Variants in MGAT4C observed in about 807,000 individuals in gnomAD.
The protein encoded by MGAT4C is MGAT4 family member C.
A neutral mutation model predicts 40.1 loss-of-function variants in MGAT4C; 19 were observed. That is an observed-to-expected ratio of 0.47 (90% CI 0.33 to 0.70). The LOEUF is 0.70. MGAT4C is among the 30% of genes least tolerant of loss of function. The pLI, the probability that MGAT4C is intolerant of heterozygous loss-of-function variation, is 0.02. For synonymous variants in MGAT4C, 181 were observed against 187.1 expected (o/e 0.97, Z 0.27); for missense variants, 491 against 563.2 (o/e 0.87, Z 1.30).
chr12:86,416,946 G>C (rs961484062), intron 3 of MGAT4C, among the ~76,000 whole-genome samples: 9 of 151,958 alleles, frequency 5.9e-5, no homozygotes, highest in Non-Finnish European at 1.3e-4. Context: ...TTTCCTACAG[G>C]TTTCAAAAGA....
At chr12:86,753,156 T>C (rs900600894) in intron 1 of MGAT4C, among the ~76,000 whole-genome samples, 1 of 152,044 alleles carries the variant, frequency 6.6e-6, no homozygotes, top group Non-Finnish European at 1.5e-5. Context: ...TGGCCATAAA[T>C]AAAATCTCTC....
At chr12:86,804,312 T>C (rs1476854418) in intron 1 of MGAT4C, among the ~76,000 whole-genome samples, 1 of 144,794 alleles carries the variant, frequency 6.9e-6, no homozygotes, top group African/African-American at 2.5e-5. Context: ...ATATACCTAA[T>C]GCTAGATGAC....
intron 1 of MGAT4C, among the ~76,000 whole-genome samples, chr12:86,196,434 A>T (rs1949808047): frequency 6.6e-6 from 1 of 152,218 alleles, no homozygotes; most frequent in Admixed American, 6.5e-5. Context: ...GGGCAGTGGC[A>T]TTCTGCCCTG....
chr12:86,838,904 T>C (rs1274938101), upstream of MGAT4C: 2 of 152,214 alleles, frequency 1.3e-5, no homozygotes, highest in Non-Finnish European at 2.9e-5. Context: ...GCAGTGAAGA[T>C]GAATTGAAAA....
At chr12:86,381,402 C>T (rs576103740) in intron 3 of MGAT4C, among the ~76,000 whole-genome samples, 6 of 152,236 alleles carry the variant, frequency 3.9e-5, no homozygotes, top group East Asian at 1.9e-4. Context: ...GAAAGCCTTA[C>T]GACCCGGGGA....
intron 1 of MGAT4C, chr12:86,744,983 A>T (rs1593168981): frequency 6.6e-6 from 1 of 151,558 alleles, no homozygotes; most frequent in Admixed American, 6.6e-5. Context: ...TCCGTTCTGC[A>T]TGCATCAGCC....
At position 86,426,929 on chromosome 12, in the gene MGAT4C, A is replaced by G. The variant is rs555313580; in HGVS notation, c.-120+8228T>C. Among the ~76,000 whole-genome samples, 20 of 152,294 alleles carry G rather than the reference A, an allele frequency of 1.3e-4. No individual in the cohort carries two copies. The South Asian group carries it at 3.9e-3, about 30-fold the overall frequency. ...GCCACTGCACTCCAGCCTGGGCAAC[A>G]GAGCGAGAATCCATCTCAAAAAAAG... is the stretch of plus-strand genomic sequence containing the variant. On this transcript the variant is annotated intron_variant, in intron 3 of 7. Coordinates refer to the MGAT4C transcript ENST00000548651.
intron 1 of MGAT4C, among the ~76,000 whole-genome samples, chr12:86,208,881 T>C (rs1950355731): frequency 6.6e-6 from 1 of 152,128 alleles, no homozygotes; most frequent in Non-Finnish European, 1.5e-5. Flanking sequence ...TAAGAAGCCA[T>C]GTAAGTACAA....
At chr12:86,359,991 T>A (rs1955421538) in intron 3 of MGAT4C, among the ~76,000 whole-genome samples, 1 of 152,176 alleles carries the variant, frequency 6.6e-6, no homozygotes, top group Non-Finnish European at 1.5e-5. Flanking sequence ...GAGGCCAGCA[T>A]CATCCTGATA....
intron 1 of MGAT4C, among the ~76,000 whole-genome samples, chr12:86,741,718 A>G (rs983960289): frequency 6.6e-6 from 1 of 151,376 alleles, no homozygotes. Flanking sequence ...GCTTGTGCAC[A>G]ATGATTCATC....
rs570463694 is a variant in MGAT4C, at chr12:86,113,954, C to T, written c.-56-64231G>A. ...AATCACTCATTCACCTTTTAAAATA[C>T]AATAGAAATCTTAGCAGTCCAAAGC... On this transcript the variant is annotated intron_variant, in intron 1 of 4. Transcript: ENST00000611864. 1.1e-4 allele frequency among the ~76,000 whole-genome samples: 16 copies of T among 151,974 alleles called. No individual in the cohort carries two copies. In the East Asian group the frequency reaches 3.1e-3, roughly 29 times the overall value.
intron 2 of MGAT4C, among the ~76,000 whole-genome samples, chr12:86,047,178 T>C (rs1892480655): frequency 1.3e-5 from 2 of 152,184 alleles, no homozygotes. Flanking sequence ...GCAACATTTC[T>C]TTATTCTAGG....
At chr12:86,271,372 A>G (rs988127063) in intron 4 of MGAT4C, among the ~76,000 whole-genome samples, 1 of 152,206 alleles carries the variant, frequency 6.6e-6, no homozygotes, top group Non-Finnish European at 1.5e-5. Flanking sequence ...ACATGAATAG[A>G]TATTTTTCAG....
intron 1 of MGAT4C, among the ~76,000 whole-genome samples, chr12:86,771,329 T>G (rs2136168619): frequency 6.6e-6 from 1 of 152,268 alleles, no homozygotes; most frequent in South Asian, 2.1e-4. Context: ...AGTGGGGTGC[T>G]ACTATAACAC....
At chr12:86,498,213 A>G (rs1008555210) in intron 2 of MGAT4C, among the ~76,000 whole-genome samples, 22 of 151,488 alleles carry the variant, frequency 1.5e-4, no homozygotes, top group Non-Finnish European at 3.0e-4. Flanking sequence ...TATTTTAAAA[A>G]GTCCCTGATT....
chr12:86,815,469 A>G (rs896878734), intron 1 of MGAT4C, among the ~76,000 whole-genome samples: 1 of 151,798 alleles, frequency 6.6e-6, no homozygotes, highest in East Asian at 1.9e-4. Flanking sequence ...TAGAACTACC[A>G]TTTGATCCAA....
chr12:86,671,293 T>C (rs1400671148), intron 2 of MGAT4C, among the ~76,000 whole-genome samples: 19 of 152,236 alleles, frequency 1.2e-4, no homozygotes, highest in Admixed American at 8.5e-4. Flanking sequence ...AGTCTGTTTA[T>C]ATAAAATTAA....
At chr12:86,441,343 TTTATTATTATTA>T (rs1000725514) in intron 2 of MGAT4C, among the ~76,000 whole-genome samples, 1 of 150,076 alleles carries the variant, frequency 6.7e-6, no homozygotes, top group East Asian at 2.0e-4. Context: ...TATTATTATT[TTTATTATTATTA>T]TTATTATTAT....
intron 1 of MGAT4C, among the ~76,000 whole-genome samples, chr12:86,769,603 T>G (rs1259267227): frequency 6.6e-6 from 1 of 152,118 alleles, no homozygotes; most frequent in Non-Finnish European, 1.5e-5. Context: ...TAGCAAAGAC[T>G]TGGAACCAAC....
Sources: gnomAD v4.1 joint callset for allele counts (sites outside exome capture counted in the v4.1 genomes callset) on GRCh38, gnomAD v4.1.1 for gene constraint, MANE v1.5 for transcripts, NCBI Gene and HGNC (gene_info 2026-07-23, HGNC 2026-07-21) for gene names.